TFEC: variants seen among roughly 807,000 people sequenced by gnomAD.
TFEC encodes the protein transcription factor EC, also known as class E basic helix-loop-helix protein 34.
A neutral mutation model predicts 41.6 loss-of-function variants in TFEC; 31 were observed. The ratio of observed to expected loss-of-function variants is 0.74; its 90% CI spans 0.56 to 1.01. TFEC has a LOEUF of 1.01. Ranked by LOEUF, TFEC falls within the 50% of genes least tolerant of loss-of-function variation. The pLI, the probability that TFEC is intolerant of heterozygous loss-of-function variation, is 0.00. For synonymous variants in TFEC, 143 were observed against 140.6 expected (o/e 1.02, Z -0.12); for missense variants, 402 against 404.1 (o/e 0.99, Z 0.04).
intron 3 of TFEC, among the ~76,000 whole-genome samples, chr7:116,104,329 C>T (rs1202220105): frequency 6.6e-6 from 1 of 152,092 alleles, no homozygotes; most frequent in African/African-American, 2.4e-5. Context: ...AGCTATTTCA[C>T]AGGGTATTAG....
intron 1 of TFEC, among the ~76,000 whole-genome samples, chr7:116,018,342 G>T (rs568248897): frequency 9.8e-5 from 15 of 152,318 alleles, no homozygotes; most frequent in Admixed American, 8.5e-4. Flanking sequence ...ATCAGAAAGA[G>T]AAATTTTGGG....
At chr7:115,955,181 G>A (rs1395650138) in intron 4 of TFEC, among the ~76,000 whole-genome samples, 1 of 151,830 alleles carries the variant, frequency 6.6e-6, no homozygotes, top group Non-Finnish European at 1.5e-5. Context: ...CTGTATATAT[G>A]GTGTGGTTGT....
chr7:116,128,284 T>C (rs938738194), intron 1 of TFEC, among the ~76,000 whole-genome samples: 16 of 152,106 alleles, frequency 1.1e-4, no homozygotes, highest in African/African-American at 3.9e-4. Context: ...AATTGAGACT[T>C]TTCATTGGCA....
chr7:116,134,740 A>G (rs1242867224), intron 1 of TFEC, among the ~76,000 whole-genome samples: 1 of 152,150 alleles, frequency 6.6e-6, no homozygotes, highest in East Asian at 1.9e-4. Context: ...ACATCTTACA[A>G]ATATGTTCAT....
Position 116,039,478 on chromosome 7 carries a change from A to G in TFEC, c.199-54965T>C, listed in dbSNP as rs1294240541. On this transcript the variant is annotated intron_variant, in intron 3 of 8. Coordinates refer to the TFEC transcript ENST00000484212. The stretch of plus-strand genomic sequence containing the variant: ...GTGTGTGTGTGTGTTCATCAGTATT[A>G]TGATTCTTGTTCTCAAGATATATGC... Among the ~76,000 whole-genome samples the G allele has an allele frequency of 4.6e-5, 7 of 150,874 alleles. No homozygotes were observed. In the East Asian group the frequency reaches 7.8e-4, roughly 17 times the overall value.
intron 3 of TFEC, among the ~76,000 whole-genome samples, chr7:116,097,580 C>T (rs907333663): frequency 4.6e-5 from 7 of 151,966 alleles, no homozygotes; most frequent in African/African-American, 1.5e-4. Context: ...TATAGTGTGG[C>T]GATGCAGGAC....
chr7:116,132,764 G>A (rs565113982), intron 1 of TFEC, among the ~76,000 whole-genome samples: 3 of 152,272 alleles, frequency 2.0e-5, no homozygotes, highest in South Asian at 2.1e-4. Flanking sequence ...GAACTATAGC[G>A]TTAAAACAAC....
chr7:115,984,397 T>C lies in TFEC; in HGVS notation c.45A>G (p.Ser15=), dbSNP rs1428171938. ...GCCCACCACTTGGCACTGCAGGTTGTGACCATTTAAGAGTTGGATTGATGA... is the reference window on the plus strand; with the variant it reads ...GCCCACCACTTGGCACTGCAGGTTGCGACCATTTAAGAGTTGGATTGATGA... ...HQIINPTLKW[S]QPAVPSGGPL... is the part of the protein sequence containing the mutation. Residue 15 remains serine (S), a synonymous_variant, in exon 2 of 8, where the codon TCA becomes TCG. Coordinates refer to ENST00000265440, the MANE Select transcript of TFEC (RefSeq NM_012252.4). 1 of 1,614,170 alleles carries C rather than the reference T, an allele frequency of 6.2e-7. No individual in the cohort carries two copies. Among genetic ancestry groups the C allele is most frequent in the Non-Finnish European group, 8.5e-7 (1 of 1,179,996 alleles).
intron 1 of TFEC, among the ~76,000 whole-genome samples, chr7:116,129,284 T>G (rs1376939601): frequency 6.6e-6 from 1 of 152,166 alleles, no homozygotes; most frequent in Non-Finnish European, 1.5e-5. Flanking sequence ...ATATCATTTG[T>G]TCTCTTTTTG....
intron 1 of TFEC, among the ~76,000 whole-genome samples, chr7:116,140,470 G>C (rs181031853): frequency 1.3e-5 from 2 of 152,256 alleles, no homozygotes; most frequent in African/African-American, 4.8e-5. Context: ...ATCCTTGAGA[G>C]AGCCTAGTAG....
chr7:116,010,480 G>C (rs1794958616), intron 1 of TFEC, among the ~76,000 whole-genome samples: 1 of 152,162 alleles, frequency 6.6e-6, no homozygotes, highest in South Asian at 2.1e-4. Context: ...AGAAAGAATA[G>C]AGAATCATGA....
At chr7:115,951,535 A>G (rs546861883) in intron 5 of TFEC, among the ~76,000 whole-genome samples, 2 of 152,094 alleles carry the variant, frequency 1.3e-5, no homozygotes, top group South Asian at 4.1e-4. Context: ...TTAGTTTCCA[A>G]TAATATATAA....
chr7:115,989,725 G>A (rs911216561), intron 1 of TFEC, among the ~76,000 whole-genome samples: 4 of 152,138 alleles, frequency 2.6e-5, no homozygotes, highest in African/African-American at 7.2e-5. Flanking sequence ...CAAAGCGGCC[G>A]GGAAGCTTGA....
chr7:115,957,966 A>C (rs1306435856), intron 3 of TFEC, among the ~76,000 whole-genome samples: 2 of 151,906 alleles, frequency 1.3e-5, no homozygotes, highest in African/African-American at 4.8e-5. Flanking sequence ...GAAAAATTGG[A>C]AAATACAGTT....
intron 1 of TFEC, among the ~76,000 whole-genome samples, chr7:116,025,192 C>T (rs1000337841): frequency 1.3e-5 from 2 of 152,102 alleles, no homozygotes; most frequent in African/African-American, 4.8e-5. Flanking sequence ...GCTGCTTTTT[C>T]CTCTATTTCA....
chr7:116,004,478 G>T (rs1036945228), intron 1 of TFEC, among the ~76,000 whole-genome samples: 2 of 152,096 alleles, frequency 1.3e-5, no homozygotes, highest in African/African-American at 4.8e-5. Context: ...GTCAATGTAG[G>T]TTCGTCAATA....
At chr7:116,052,266 G>T (rs1357687178) in intron 3 of TFEC, among the ~76,000 whole-genome samples, 4 of 152,060 alleles carry the variant, frequency 2.6e-5, no homozygotes, top group Non-Finnish European at 5.9e-5. Context: ...ATCTCACTAA[G>T]CAAGCTATGA....
intron 3 of TFEC, among the ~76,000 whole-genome samples, chr7:116,072,280 C>A (rs1796848292): frequency 6.6e-6 from 1 of 151,374 alleles, no homozygotes; most frequent in African/African-American, 2.4e-5. Flanking sequence ...ATCTGAATGC[C>A]TTTTTATTTT....
intron 3 of TFEC, among the ~76,000 whole-genome samples, chr7:116,104,398 A>T (rs892775476): frequency 2.6e-5 from 4 of 152,162 alleles, no homozygotes; most frequent in African/African-American, 9.7e-5. Context: ...GCATTATATG[A>T]CTTCTCTAAG....
Sources: allele counts gnomAD v4.1 joint callset (sites outside exome capture counted in the v4.1 genomes callset), GRCh38; gene constraint gnomAD v4.1.1; transcripts MANE v1.5; gene names NCBI Gene and HGNC (gene_info 2026-07-23, HGNC 2026-07-21).